RPS6KC1: variants seen among roughly 807,000 people sequenced by gnomAD.
RPS6KC1 encodes ribosomal protein S6 kinase C1, also known as inactive ribosomal protein S6 kinase delta-1.
In RPS6KC1, 54 loss-of-function variants were observed where a neutral mutation model predicts 103.8. The ratio of observed to expected loss-of-function variants is 0.52; its 90% CI spans 0.42 to 0.65. The LOEUF is 0.65. Among genes scored for constraint, RPS6KC1 ranks in the 30% least tolerant of loss-of-function variants. The probability of loss-of-function intolerance (pLI) is 0.00; values close to 1 mark genes in which losing one functional copy is unlikely to be tolerated. For synonymous variants in RPS6KC1, 439 were observed against 438.7 expected, an observed-to-expected ratio of 1.00 and a Z score of -0.01; for missense variants, 1,151 against 1,253.8, an observed-to-expected ratio of 0.92 and a Z score of 1.24.
chr1:213,583,345 A>C, the RPS6KC1 span, among the ~76,000 whole-genome samples: 1 of 152,240 alleles, frequency 6.6e-6, no homozygotes, highest in Non-Finnish European at 1.5e-5. Flanking sequence ...ACTACTTCTC[A>C]AAGTGGTTGA....
At chr1:213,120,867 A>G (rs574601812) in intron 5 of RPS6KC1, among the ~76,000 whole-genome samples, 1 of 152,244 alleles carries the variant, frequency 6.6e-6, no homozygotes, top group Non-Finnish European at 1.5e-5. Context: ...AGTGATCATT[A>G]TTTTTGTTAA....
At position 213,267,987 on chromosome 1, in the gene RPS6KC1, G is replaced by C. The variant is rs924539234; in HGVS notation, c.3091-4537G>C. On this transcript the variant is annotated intron_variant, in intron 14 of 14. Coordinates refer to ENST00000366960, the MANE Select transcript of RPS6KC1 (RefSeq NM_012424.6). ...ATATAATGATAGTCCCAGAAGGAGA[G>C]GAGAAAGGGAAAGGGACAGCAAAAA... is the stretch of plus-strand genomic sequence containing the variant. Among the ~76,000 whole-genome samples, 11 of 151,838 alleles carry C rather than the reference G, an allele frequency of 7.2e-5. No individual in the cohort carries two copies. The East Asian group carries it at 2.1e-3, about 29-fold the overall frequency.
chr1:213,191,157 G>C (rs1201705123), intron 8 of RPS6KC1, among the ~76,000 whole-genome samples: 1 of 151,962 alleles, frequency 6.6e-6, no homozygotes, highest in Non-Finnish European at 1.5e-5. Context: ...ATAAATTTTA[G>C]GATTGCCTTT....
chr1:213,298,135 T>C, the RPS6KC1 span, among the ~76,000 whole-genome samples: 1 of 152,222 alleles, frequency 6.6e-6, no homozygotes, highest in African/African-American at 2.4e-5. Flanking sequence ...GAGACTTTGC[T>C]TCAACATCAT....
the RPS6KC1 span, among the ~76,000 whole-genome samples, chr1:213,363,961 T>A: frequency 6.6e-6 from 1 of 151,948 alleles, no homozygotes. Flanking sequence ...AGTATTTTGC[T>A]TTCTGTCCTC....
chr1:213,213,315 C>T (rs1441867248), intron 8 of RPS6KC1, among the ~76,000 whole-genome samples: 1 of 152,188 alleles, frequency 6.6e-6, no homozygotes, highest in Non-Finnish European at 1.5e-5. Flanking sequence ...TGAAAGGGCT[C>T]TTTGCTCCAT....
At chr1:213,329,448 CG>C in the RPS6KC1 span, among the ~76,000 whole-genome samples, 1 of 152,098 alleles carries the variant, frequency 6.6e-6, no homozygotes, top group Non-Finnish European at 1.5e-5. Flanking sequence ...GCCAAGAACT[CG>C]ACTTTTGGAG....
chr1:213,398,567 T>C, the RPS6KC1 span, among the ~76,000 whole-genome samples: 1 of 151,770 alleles, frequency 6.6e-6, no homozygotes, highest in Non-Finnish European at 1.5e-5. Flanking sequence ...CAGATGCATG[T>C]TTGCCATGCT....
chr1:213,278,763 T>C (rs1246182656), downstream of RPS6KC1, among the ~76,000 whole-genome samples: 1 of 152,212 alleles, frequency 6.6e-6, no homozygotes, highest in Admixed American at 6.5e-5. Context: ...ATGTGGCAAG[T>C]GTTATAAAGT....
At chr1:213,082,271 GA>G (rs201772280) in intron 3 of RPS6KC1, among the ~76,000 whole-genome samples, 22 of 148,558 alleles carry the variant, frequency 1.5e-4, no homozygotes, top group African/African-American at 3.9e-4. Flanking sequence ...ATACAAAAAA[GA>G]AAAAAAAAAT....
chr1:213,280,891 C>T, the RPS6KC1 span, among the ~76,000 whole-genome samples: 1 of 152,204 alleles, frequency 6.6e-6, no homozygotes, highest in Non-Finnish European at 1.5e-5. Context: ...TGTGCCTGAA[C>T]TCAGCCTTAA....
chr1:213,696,502 CAAAAAAAAAAAA>C, the RPS6KC1 span, among the ~76,000 whole-genome samples: 1,392 of 120,928 alleles, frequency 0.012, 15 homozygotes, highest in Non-Finnish European at 0.016. Context: ...AACTCCGTCT[CAAAAAAAAAAAA>C]AAAAAAAAAA....
At chr1:213,197,259 T>G (rs1351463117) in intron 8 of RPS6KC1, among the ~76,000 whole-genome samples, 1 of 152,220 alleles carries the variant, frequency 6.6e-6, no homozygotes, top group African/African-American at 2.4e-5. Context: ...TTGTTTTGGC[T>G]ATGTGAGCTC....
the RPS6KC1 span, among the ~76,000 whole-genome samples, chr1:213,682,701 A>G: frequency 1.6e-4 from 25 of 152,224 alleles, no homozygotes; most frequent in African/African-American, 5.3e-4. Flanking sequence ...ATTTGTGAAG[A>G]AAAAAATCCA....
chr1:213,774,392 C>G, the RPS6KC1 span, among the ~76,000 whole-genome samples: 3 of 152,138 alleles, frequency 2.0e-5, no homozygotes, highest in Admixed American at 6.5e-5. Flanking sequence ...CCTCATCCAC[C>G]CTTCTAGTCA....
At chr1:213,445,129 G>A in the RPS6KC1 span, among the ~76,000 whole-genome samples, 2 of 152,076 alleles carry the variant, frequency 1.3e-5, no homozygotes, top group African/African-American at 2.4e-5. Context: ...TGGCTTGTTC[G>A]ACTTAGCATA....
At chr1:213,134,015 A>G (rs111555199) in intron 6 of RPS6KC1, among the ~76,000 whole-genome samples, 29 of 152,104 alleles carry the variant, frequency 1.9e-4, no homozygotes, top group African/African-American at 7.0e-4. Flanking sequence ...CTATTCATCT[A>G]GTTGATCTTT....
the RPS6KC1 span, among the ~76,000 whole-genome samples, chr1:213,459,882 T>C: frequency 6.6e-6 from 1 of 152,168 alleles, no homozygotes; most frequent in African/African-American, 2.4e-5. Context: ...TCCGTTTCCA[T>C]GTAGTTGTGT....
At chr1:213,214,725 C>T (rs760114775) in intron 8 of RPS6KC1, among the ~76,000 whole-genome samples, 4 of 152,192 alleles carry the variant, frequency 2.6e-5, no homozygotes, top group African/African-American at 7.2e-5. Flanking sequence ...TAGCAATATT[C>T]GCTGTTCTGC....
Sources: allele counts gnomAD v4.1 joint callset (sites outside exome capture counted in the v4.1 genomes callset), GRCh38; gene constraint gnomAD v4.1.1; transcripts MANE v1.5; gene names NCBI Gene and HGNC (gene_info 2026-07-23, HGNC 2026-07-21).